The following ATPAF1 variants were observed in gnomAD, a reference collection of about 807,000 sequenced individuals.
ATPAF1 encodes the protein ATP synthase mitochondrial F1 complex assembly factor 1.
A neutral mutation model predicts 43.9 loss-of-function variants in ATPAF1; 26 were observed. That is an observed-to-expected ratio of 0.59 (90% confidence interval 0.43 to 0.82). ATPAF1 has a LOEUF of 0.82. Ranked by LOEUF, ATPAF1 falls within the 40% of genes least tolerant of loss-of-function variation. The pLI, the probability that ATPAF1 is intolerant of heterozygous loss-of-function variation, is 0.00. For synonymous variants in ATPAF1, 157 were observed against 168.0 expected, an observed-to-expected ratio of 0.93 and a Z score of 0.50; for missense variants, 366 against 435.0, an observed-to-expected ratio of 0.84 and a Z score of 1.41.
At chr1:46,644,207 A>G (rs1205677670) in intron 7 of ATPAF1, among the ~76,000 whole-genome samples, 1 of 152,202 alleles carries the variant, frequency 6.6e-6, no homozygotes, top group Admixed American at 6.5e-5. Flanking sequence ...CAGATCTCCA[A>G]GTCTTAGCAC....
intron 6 of ATPAF1, among the ~76,000 whole-genome samples, chr1:46,648,577 C>A (rs553639827): frequency 6.6e-6 from 1 of 152,212 alleles, no homozygotes; most frequent in African/African-American, 2.4e-5. Context: ...CACTATATTG[C>A]CCAAGGTGAT....
chr1:46,646,790 C>G (rs1386875233), intron 6 of ATPAF1, among the ~76,000 whole-genome samples: 2 of 152,156 alleles, frequency 1.3e-5, no homozygotes, highest in Admixed American at 6.5e-5. Flanking sequence ...TAACCAAAAT[C>G]AACAAAATGA....
chr1:46,668,342 T>A lies in ATPAF1; in HGVS notation c.-20A>T. 7.4e-7 allele frequency: 1 copy of A among 1,346,200 alleles called. No homozygotes were observed. The highest frequency in any genetic ancestry group is 9.6e-7 in the Non-Finnish European group (1 of 1,044,716). The allele number at this position is 1,346,200 out of a possible 1,614,324, so 83.4% of individuals were successfully genotyped here. On this transcript the variant is annotated 5_prime_UTR_variant, in exon 1 of 9. Coordinates refer to ENST00000574428, the Ensembl canonical transcript of ATPAF1. The surrounding 1 kb of genome is among the most constrained non-coding windows in gnomAD (Gnocchi z 4.4). The stretch of plus-strand genomic sequence containing the variant: ...AGCCATGGCCGCCCCCGCCTCCTCC[T>A]CCTCCTCAGGCGCGTCGGCCTCGGC...
At chr1:46,665,864 C>T in intron 1 of ATPAF1, 1 of 1,410,326 alleles carries the variant, frequency 7.1e-7, no homozygotes, top group East Asian at 2.7e-5. Context: ...CTGAGTATCT[C>T]CCTAACCTAC....
chr1:46,655,175 A>T (rs1676248679), intron 4 of ATPAF1, among the ~76,000 whole-genome samples: 1 of 152,194 alleles, frequency 6.6e-6, no homozygotes, highest in Admixed American at 6.5e-5. Flanking sequence ...ATTACCTCCC[A>T]TTGTGTCCCT....
In ATPAF1 at chr1:46,653,288, TTC is replaced by T. The variant is rs1676205307; in HGVS notation, c.540+527_540+528del. 6.6e-6 allele frequency among the ~76,000 whole-genome samples: 1 copy of T among 152,082 alleles called. No individual in the cohort carries two copies. The highest frequency in any genetic ancestry group is 1.5e-5 in the Non-Finnish European group (1 of 68,028). On this transcript the variant is annotated intron_variant, in intron 5 of 8. Coordinates refer to ENST00000574428, the Ensembl canonical transcript of ATPAF1. The surrounding 1 kb of genome is among the most constrained non-coding windows in gnomAD (Gnocchi z 4.8). ...AAACCAGAGAAGCCAGCAGCATCCC[TTC>T]TCTGTCACAGACCTTAATGGTCAAG...
chr1:46,664,051 T>C lies in ATPAF1; in HGVS notation c.375+1205A>G, dbSNP rs1434068170. ...CTGCATGTTGTAAAAGTTAGCATTA[T>C]TTTATACATTTTTTTTTCAGTTACA... On this transcript the variant is annotated intron_variant, in intron 2 of 8. Coordinates refer to ENST00000574428, the Ensembl canonical transcript of ATPAF1. The C allele has an allele frequency of 1.9e-5, 7 of 365,040 alleles. No individual in the cohort carries two copies. The Admixed American group carries it at 1.9e-4, about 10-fold the overall frequency. The allele number at this position is 365,040 out of a possible 1,614,324, so 22.6% of individuals were successfully genotyped here. A position where few individuals can be genotyped will look rare whatever the true frequency, so the allele number is the denominator to read the frequency against.
At chr1:46,663,178 A>G (rs1296842698) in intron 2 of ATPAF1, among the ~76,000 whole-genome samples, 4 of 152,186 alleles carry the variant, frequency 2.6e-5, no homozygotes, top group Non-Finnish European at 4.4e-5. Flanking sequence ...GATTCAGTCT[A>G]TCATTGTTGG....
At position 46,652,595 on chromosome 1, in the gene ATPAF1, G is replaced by A; in HGVS notation, c.574C>T (p.Gln192Ter). ...CAGAAACTTACTGTTGGACAGGACT[G>A]AGCCCGGTTCCAGATCAAATCAAAC... Residue 192 changes from glutamine to a stop codon, truncating the protein, a stop_gained, in exon 6 of 9, where the codon CAG (glutamine) becomes TAG (stop). Coordinates refer to ENST00000574428, the Ensembl canonical transcript of ATPAF1. LOFTEE classifies it high-confidence loss of function. 6.2e-7 allele frequency: 1 copy of A among 1,613,430 alleles called. No individual in the cohort carries two copies. Among genetic ancestry groups the A allele is most frequent in the Non-Finnish European group, 8.5e-7 (1 of 1,179,542 alleles).
At chr1:46,666,020 G>T in intron 1 of ATPAF1, 1 of 325,170 alleles carries the variant, frequency 3.1e-6, no homozygotes, top group Non-Finnish European at 5.0e-6. Flanking sequence ...TGGGATATTT[G>T]GTTTTGTACA....
chr1:46,665,926 T>C, intron 1 of ATPAF1: 1 of 1,296,924 alleles, frequency 7.7e-7, no homozygotes, highest in Non-Finnish European at 9.9e-7. Flanking sequence ...ATTGTTTATG[T>C]CAAAATGGGG....
intron 8 of ATPAF1, among the ~76,000 whole-genome samples, chr1:46,642,052 T>G (rs1315924610): frequency 6.6e-6 from 1 of 152,222 alleles, no homozygotes; most frequent in Non-Finnish European, 1.5e-5. Context: ...CTCCTGATTT[T>G]CCTGTTAGGC....
At chr1:46,641,742 C>A (rs1350183181) in intron 8 of ATPAF1, among the ~76,000 whole-genome samples, 1 of 152,184 alleles carries the variant, frequency 6.6e-6, no homozygotes, top group Non-Finnish European at 1.5e-5. Flanking sequence ...GGGCATTCTA[C>A]CATCTTAATT....
At chr1:46,659,344 C>G (rs1644033289) in intron 2 of ATPAF1, among the ~76,000 whole-genome samples, 1 of 150,434 alleles carries the variant, frequency 6.6e-6, no homozygotes. Flanking sequence ...CCACCTGCCA[C>G]TGTGGATATG....
At chr1:46,656,829 C>A (rs192861974) in intron 4 of ATPAF1, among the ~76,000 whole-genome samples, 1 of 152,188 alleles carries the variant, frequency 6.6e-6, no homozygotes. Flanking sequence ...GCATATGCCT[C>A]TATTAATAGA....
intron 6 of ATPAF1, among the ~76,000 whole-genome samples, chr1:46,650,208 T>G (rs952398027): frequency 6.7e-6 from 1 of 150,362 alleles, no homozygotes; most frequent in Admixed American, 6.6e-5. Context: ...AAACTGCCAA[T>G]AAAACAGGCA....
At chr1:46,664,160 C>G (rs1171449727) in intron 2 of ATPAF1, among the ~76,000 whole-genome samples, 2 of 152,084 alleles carry the variant, frequency 1.3e-5, no homozygotes, top group Non-Finnish European at 2.9e-5. Context: ...AAAAACACTG[C>G]ATTAGAATAA....
At chr1:46,634,925 TAAAAA>T (rs546203289), downstream of ATPAF1, 11 of 151,236 alleles carry the variant, frequency 7.3e-5, no homozygotes, top group African/African-American at 2.7e-4. Flanking sequence ...AAGCCAGACT[TAAAAA>T]AAAAATTATT....
upstream of ATPAF1, chr1:46,668,519 G>A (rs1175725008): frequency 2.6e-5 from 17 of 652,986 alleles, no homozygotes; most frequent in Non-Finnish European, 3.4e-5. The surrounding 1 kb of genome is among the most constrained non-coding windows in gnomAD (Gnocchi z 4.4). Context: ...GGCACTGCGC[G>A]CTCTCGCCGC....
Sources: allele counts gnomAD v4.1 joint callset (sites outside exome capture counted in the v4.1 genomes callset), GRCh38; gene constraint gnomAD v4.1.1; non-coding constraint Gnocchi (gnomAD v3.1); transcripts MANE v1.5; gene names NCBI Gene and HGNC (gene_info 2026-07-23, HGNC 2026-07-21).